DLGAP2: variants seen among roughly 807,000 people sequenced by gnomAD.
DLGAP2 encodes DLG associated protein 2.
DLGAP2 carries 26 observed loss-of-function variants against 100.3 expected under a neutral mutation model. That is an observed-to-expected ratio of 0.26 (90% CI 0.19 to 0.36). The LOEUF is 0.36. Ranked by LOEUF, DLGAP2 falls within the 10% of genes least tolerant of loss-of-function variation. The pLI is 1.00. For synonymous variants in DLGAP2, 886 were observed against 630.1 expected (o/e 1.41, Z -6.08); for missense variants, 1,858 against 1,453.2 (o/e 1.28, Z -4.53).
intron 1 of DLGAP2, among the ~76,000 whole-genome samples, chr8:851,589 C>G (rs546991792): frequency 6.6e-6 from 1 of 152,252 alleles, no homozygotes; most frequent in Admixed American, 6.5e-5. Flanking sequence ...GAGATTAGTT[C>G]CTGGGATTTG....
intron 3 of DLGAP2, among the ~76,000 whole-genome samples, chr8:1,455,610 C>G (rs969874129): frequency 6.6e-6 from 1 of 152,244 alleles, no homozygotes; most frequent in African/African-American, 2.4e-5. Context: ...CGCACCTCAT[C>G]TTTGAGCTTG....
intron 3 of DLGAP2, among the ~76,000 whole-genome samples, chr8:1,313,138 C>G (rs541936454): frequency 6.6e-5 from 10 of 152,316 alleles, no homozygotes; most frequent in African/African-American, 1.9e-4. Flanking sequence ...TGACATTTAC[C>G]TATGTCTGTT....
intron 3 of DLGAP2, among the ~76,000 whole-genome samples, chr8:1,496,187 C>A (rs1158590302): frequency 6.6e-6 from 1 of 152,164 alleles, no homozygotes; most frequent in Admixed American, 6.5e-5. Flanking sequence ...TCTTCTGCCT[C>A]TTCATTGGCA....
At chr8:1,074,645 C>T (rs1046802825) in intron 2 of DLGAP2, among the ~76,000 whole-genome samples, 7 of 152,152 alleles carry the variant, frequency 4.6e-5, no homozygotes, top group East Asian at 1.9e-4. Context: ...GCGTTTGATC[C>T]GCTTGTGAAT....
At chr8:1,380,681 C>G (rs753806343) in intron 3 of DLGAP2, among the ~76,000 whole-genome samples, 3 of 152,130 alleles carry the variant, frequency 2.0e-5, no homozygotes, top group Non-Finnish European at 4.4e-5. Context: ...TCACTGGGGA[C>G]TCTCTGTAGC....
At position 1,251,799 on chromosome 8, in the gene DLGAP2, G is replaced by A. The variant is rs576264473; in HGVS notation, c.74-7052G>A. On this transcript the variant is annotated intron_variant, in intron 2 of 14. Coordinates refer to ENST00000637795, the MANE Select transcript of DLGAP2 (RefSeq NM_001346810.2). ...TAGGGTTGTGGTGTCCCACAGTCACGTCACGTCATCGCACTGTTGCACGGC... is the reference window on the plus strand; with the variant it reads ...TAGGGTTGTGGTGTCCCACAGTCACATCACGTCATCGCACTGTTGCACGGC... 4.6e-5 allele frequency among the ~76,000 whole-genome samples: 7 copies of A among 152,344 alleles called. No homozygotes were observed. The South Asian group carries it at 6.2e-4, about 14-fold the overall frequency.
At chr8:916,004 G>A (rs190063422) in intron 2 of DLGAP2, among the ~76,000 whole-genome samples, 22 of 150,912 alleles carry the variant, frequency 1.5e-4, no homozygotes, top group African/African-American at 5.1e-4. Flanking sequence ...GTTTCTGTGT[G>A]TGTTAACCAT....
intron 3 of DLGAP2, among the ~76,000 whole-genome samples, chr8:1,269,912 C>T (rs559689237): frequency 1.3e-5 from 2 of 152,300 alleles, no homozygotes; most frequent in Non-Finnish European, 2.9e-5. Context: ...TGAACTAAAT[C>T]TTCATCTCCT....
chr8:1,027,107 T>G (rs1310779951), intron 2 of DLGAP2, among the ~76,000 whole-genome samples: 4 of 152,216 alleles, frequency 2.6e-5, no homozygotes, highest in Non-Finnish European at 5.9e-5. Context: ...GGAAGGGTTT[T>G]TTTTTACGTA....
At chr8:1,055,967 G>T (rs1802871039) in intron 2 of DLGAP2, among the ~76,000 whole-genome samples, 1 of 152,318 alleles carries the variant, frequency 6.6e-6, no homozygotes, top group Middle Eastern at 3.4e-3. Flanking sequence ...GGTCACCTTG[G>T]TGTGCCCTGG....
At chr8:1,158,062 C>T (rs1291103596) in intron 2 of DLGAP2, among the ~76,000 whole-genome samples, 1 of 152,236 alleles carries the variant, frequency 6.6e-6, no homozygotes, top group East Asian at 1.9e-4. Flanking sequence ...CACTGTGCAG[C>T]TGCACAGCTG....
In DLGAP2 at chr8:1,163,988, C is replaced by G. The variant is rs932437058; in HGVS notation, c.74-94863C>G. Among the ~76,000 whole-genome samples, 6 of 152,364 alleles carry G rather than the reference C, an allele frequency of 3.9e-5. No individual in the cohort carries two copies. In the East Asian group the frequency reaches 1.2e-3, roughly 29 times the overall value. ...CCTCCTAGACGAGAGCCCTCTAAGA[C>G]TCAGTGTTCAGGGTTTTTCTTAGAC... On this transcript the variant is annotated intron_variant, in intron 2 of 14. Transcript: ENST00000637795.
intron 3 of DLGAP2, among the ~76,000 whole-genome samples, chr8:1,371,776 C>T (rs1802243548): frequency 6.6e-6 from 1 of 152,114 alleles, no homozygotes; most frequent in Non-Finnish European, 1.5e-5. Context: ...GATATTTGTG[C>T]ATTTCTCATA....
chr8:1,639,385 G>A (rs1315448698), intron 8 of DLGAP2, among the ~76,000 whole-genome samples: 2 of 152,192 alleles, frequency 1.3e-5, no homozygotes, highest in East Asian at 3.9e-4. Flanking sequence ...GGTCTTGGCA[G>A]TGTGGGCAGA....
intron 3 of DLGAP2, among the ~76,000 whole-genome samples, chr8:1,329,353 A>G (rs1475332684): frequency 6.6e-6 from 1 of 152,202 alleles, no homozygotes; most frequent in Non-Finnish European, 1.5e-5. Flanking sequence ...ATGGCATTTC[A>G]TTTAGAATTC....
chr8:879,413 A>T (rs180829794), intron 1 of DLGAP2, among the ~76,000 whole-genome samples: 2 of 152,290 alleles, frequency 1.3e-5, no homozygotes, highest in African/African-American at 4.8e-5. Context: ...ACCCATGGAT[A>T]AGTTCCCATG....
intron 1 of DLGAP2, among the ~76,000 whole-genome samples, chr8:899,057 A>T (rs1355734633): frequency 6.6e-6 from 1 of 152,230 alleles, no homozygotes; most frequent in Non-Finnish European, 1.5e-5. Flanking sequence ...CCTCTGACTC[A>T]TAGATAACAA....
chr8:1,297,058 G>C (rs996295500), intron 3 of DLGAP2: 3 of 152,324 alleles, frequency 2.0e-5, no homozygotes, highest in African/African-American at 7.2e-5. Flanking sequence ...GCACAGAGCA[G>C]GTTCCCAGCA....
At chr8:1,454,045 C>T (rs1316388403) in intron 3 of DLGAP2, among the ~76,000 whole-genome samples, 2 of 152,228 alleles carry the variant, frequency 1.3e-5, no homozygotes, top group Non-Finnish European at 2.9e-5. Flanking sequence ...GGAAAGTTAA[C>T]ACTGTTGAAT....
Sources: allele counts gnomAD v4.1 joint callset (sites outside exome capture counted in the v4.1 genomes callset), GRCh38; gene constraint gnomAD v4.1.1; transcripts MANE v1.5; gene names NCBI Gene and HGNC (gene_info 2026-07-23, HGNC 2026-07-21).